The following SPATS2 variants were observed in gnomAD, a reference collection of about 807,000 sequenced individuals.
SPATS2 encodes spermatogenesis associated serine rich 2.
A neutral mutation model predicts 63.7 loss-of-function variants in SPATS2; 38 were observed. That is an observed-to-expected ratio of 0.60 (90% CI 0.46 to 0.78). The LOEUF is 0.78. SPATS2 is among the 30% of genes least tolerant of loss of function. The pLI, the probability that SPATS2 is intolerant of heterozygous loss-of-function variation, is 0.00. For missense variants in SPATS2, 588 were observed against 666.2 expected, an observed-to-expected ratio of 0.88 and a Z score of 1.29; for synonymous variants, 207 against 232.9, an observed-to-expected ratio of 0.89 and a Z score of 1.01.
chr12:49,517,630 C>A (rs773610898), intron 10 of SPATS2, among the ~76,000 whole-genome samples: 16 of 152,064 alleles, frequency 1.1e-4, no homozygotes, highest in Non-Finnish European at 2.1e-4. Flanking sequence ...GTTCTTCTGC[C>A]CAGCCATTCT....
At position 49,374,816 on chromosome 12, in the gene SPATS2, C is replaced by G. The variant is rs565077959; in HGVS notation, c.-244+3526C>G. Among the ~76,000 whole-genome samples, 134 of 151,934 alleles carry G rather than the reference C, an allele frequency of 8.8e-4. 1 individual carries two copies. Among genetic ancestry groups the G allele is most frequent in the Non-Finnish European group, 1.6e-3 (107 of 67,984 alleles). On this transcript the variant is annotated intron_variant, in intron 2 of 13. Coordinates refer to ENST00000552918, the MANE Select transcript of SPATS2 (RefSeq NM_023071.4). ...TCTCTACTAAAAATACAAAAATTAG[C>G]CGGGTGTGTTGGTGCATGCCTGTAA...
intron 2 of SPATS2, among the ~76,000 whole-genome samples, chr12:49,422,118 A>G (rs533673783): frequency 6.6e-6 from 1 of 152,106 alleles, no homozygotes; most frequent in Non-Finnish European, 1.5e-5. Flanking sequence ...TTGCTGCTTT[A>G]TGATCTTTTT....
intron 3 of SPATS2, among the ~76,000 whole-genome samples, chr12:49,479,050 G>A (rs1717417195): frequency 6.6e-6 from 1 of 152,188 alleles, no homozygotes. Context: ...TGTCTCTGCA[G>A]CTCTCAGCAG....
chr12:49,432,149 A>G (rs548831402), intron 2 of SPATS2, among the ~76,000 whole-genome samples: 2 of 152,262 alleles, frequency 1.3e-5, no homozygotes, highest in South Asian at 4.1e-4. Context: ...GTGTTTTGTC[A>G]TCATTTTGGA....
chr12:49,369,138 C>T (rs369901357), intron 1 of SPATS2, among the ~76,000 whole-genome samples: 1 of 148,728 alleles, frequency 6.7e-6, no homozygotes, highest in Non-Finnish European at 1.5e-5. Context: ...CGGGTTCAAG[C>T]GACCCCAGCC....
At chr12:49,372,761 G>C (rs780154784) in intron 2 of SPATS2, among the ~76,000 whole-genome samples, 24 of 151,330 alleles carry the variant, frequency 1.6e-4, no homozygotes, top group Non-Finnish European at 3.2e-4. Context: ...TAAATATTTC[G>C]AGCGGATACC....
intron 2 of SPATS2, among the ~76,000 whole-genome samples, chr12:49,398,030 A>G: frequency 6.8e-6 from 1 of 147,298 alleles, no homozygotes; most frequent in Non-Finnish European, 1.5e-5. Context: ...GGTCTCAGCT[A>G]CTCAGGAGGC....
At chr12:49,431,695 G>A (rs1945189065) in intron 2 of SPATS2, among the ~76,000 whole-genome samples, 1 of 152,152 alleles carries the variant, frequency 6.6e-6, no homozygotes, top group African/African-American at 2.4e-5. Context: ...TGAATACATA[G>A]GTTTATACAT....
At chr12:49,475,524 T>C (rs1946102690) in intron 3 of SPATS2, among the ~76,000 whole-genome samples, 1 of 152,180 alleles carries the variant, frequency 6.6e-6, no homozygotes, top group Non-Finnish European at 1.5e-5. Context: ...CACTGCAAGC[T>C]CCGCCTCCCT....
intron 2 of SPATS2, among the ~76,000 whole-genome samples, chr12:49,460,325 A>C (rs1435798966): frequency 6.8e-6 from 1 of 147,420 alleles, no homozygotes; most frequent in African/African-American, 2.5e-5. Flanking sequence ...GTGGTGGTGC[A>C]CGCCTGTAGT....
chr12:49,506,384 A>AG (rs1446930809), intron 9 of SPATS2, among the ~76,000 whole-genome samples: 3 of 152,220 alleles, frequency 2.0e-5, no homozygotes, highest in African/African-American at 7.2e-5. Context: ...CTGAAGGCAA[A>AG]GGAGGAGCAA....
At chr12:49,458,772 G>T (rs1434968772) in intron 2 of SPATS2, among the ~76,000 whole-genome samples, 9 of 151,022 alleles carry the variant, frequency 6.0e-5, no homozygotes, top group Non-Finnish European at 1.2e-4. Context: ...ATCTCTGCTG[G>T]CAGGAACTTA....
At position 49,427,292 on chromosome 12, in the gene SPATS2, AAG is replaced by A. The variant is rs1322977154; in HGVS notation, c.-243-33476_-243-33475del. ...GCATTAGTTGTATTTTTTATTAAAAAAGAATCTTATGTTGTATGTAATCTGGA... is the reference window on the plus strand; with the variant it reads ...GCATTAGTTGTATTTTTTATTAAAAAAATCTTATGTTGTATGTAATCTGGA... On this transcript the variant is annotated intron_variant, in intron 2 of 13. Coordinates refer to ENST00000552918, the MANE Select transcript of SPATS2 (RefSeq NM_023071.4). 6.6e-5 allele frequency among the ~76,000 whole-genome samples: 10 copies of A among 152,366 alleles called. No homozygotes were observed. The East Asian group carries it at 1.7e-3, about 26-fold the overall frequency.
At chr12:49,442,786 TAAAAAAAAAAAAAAAAAAAAAAAA>T (rs71439499) in intron 2 of SPATS2, 2 of 27,154 alleles carry the variant, frequency 7.4e-5, no homozygotes, top group Admixed American at 4.6e-4. Context: ...CATGTCTCCT[TAAAAAAAAAAAAAAAAAAAAAAAA>T]AAAAAAAAAA....
chr12:49,389,764 G>T, intron 2 of SPATS2: 1 of 1,369,504 alleles, frequency 7.3e-7, no homozygotes, highest in Admixed American at 1.7e-5. Flanking sequence ...CAACAAGAAA[G>T]AAAAGAATTG....
intron 2 of SPATS2, among the ~76,000 whole-genome samples, chr12:49,384,929 C>A (rs926764602): frequency 2.0e-5 from 3 of 152,058 alleles, no homozygotes; most frequent in Non-Finnish European, 2.9e-5. Context: ...CCTGCCTCAT[C>A]CTCCCGAGTA....
Position 49,496,700 on chromosome 12 carries a change from G to A in SPATS2, c.527-133G>A, listed in dbSNP as rs2137918379. 9.2e-6 allele frequency: 8 copies of A among 869,434 alleles called. No homozygotes were observed. The South Asian group carries it at 1.4e-4, about 15-fold the overall frequency. 53.9% of individuals were successfully genotyped at this position (869,434 alleles called of 1,614,324 possible). On this transcript the variant is annotated intron_variant, in intron 7 of 13. Coordinates refer to ENST00000552918, the MANE Select transcript of SPATS2 (RefSeq NM_023071.4). ...TTCTGATCTTTGTTCTATTGTTTCA[G>A]TTGATTTTGTTTACAGTCTTTTAAG... is the stretch of plus-strand genomic sequence containing the variant.
chr12:49,382,805 A>G (rs1446391812), intron 2 of SPATS2, among the ~76,000 whole-genome samples: 2 of 152,106 alleles, frequency 1.3e-5, no homozygotes, highest in Non-Finnish European at 2.9e-5. Flanking sequence ...CCCTGGTTCA[A>G]GTGATTCTCC....
At chr12:49,489,688 A>G (rs1946352330) in intron 5 of SPATS2, 115 bp downstream of exon 5, 1 of 752,094 alleles carries the variant, frequency 1.3e-6, no homozygotes, top group Non-Finnish European at 2.1e-6. Context: ...AGACCCCATG[A>G]AAACATAACA....
Sources: gnomAD v4.1 joint callset for allele counts (sites outside exome capture counted in the v4.1 genomes callset) on GRCh38, gnomAD v4.1.1 for gene constraint, MANE v1.5 for transcripts, NCBI Gene and HGNC (gene_info 2026-07-23, HGNC 2026-07-21) for gene names.